Variants in ADAMTS20 observed in about 807,000 individuals in gnomAD.
ADAMTS20 encodes the protein A disintegrin and metalloproteinase with thrombospondin motifs 20.
In ADAMTS20, 225 loss-of-function variants were observed where a neutral mutation model predicts 260.1. The observed-to-expected ratio is 0.87, with a 90% CI of 0.78 to 0.97. The LOEUF is 0.97. Among genes scored for constraint, ADAMTS20 ranks in the 50% least tolerant of loss-of-function variants. ADAMTS20 has a pLI of 0.00. For missense variants in ADAMTS20, 2,400 were observed against 2,337.7 expected (o/e 1.03, Z -0.55); for synonymous variants, 802 against 769.5 (o/e 1.04, Z -0.70).
chr12:43,471,294 G>A (rs936346782), intron 7 of ADAMTS20, among the ~76,000 whole-genome samples: 92 of 152,042 alleles, frequency 6.1e-4, no homozygotes, highest in African/African-American at 2.1e-3. Flanking sequence ...AAAACACGGC[G>A]CACCACGGGA....
At chr12:43,523,145 G>A (rs1943094746) in intron 3 of ADAMTS20, among the ~76,000 whole-genome samples, 1 of 152,142 alleles carries the variant, frequency 6.6e-6, no homozygotes, top group Non-Finnish European at 1.5e-5. Flanking sequence ...AAGGGGGAGA[G>A]ACTGCCTCCA....
intron 11 of ADAMTS20, 72 bp downstream of exon 11, chr12:43,462,823 G>A: frequency 8.1e-7 from 1 of 1,233,876 alleles, no homozygotes; most frequent in South Asian, 1.4e-5. Flanking sequence ...AACAAACAGA[G>A]TGCTAAAATG....
chr12:43,368,984 G>C (rs979732276), intron 37 of ADAMTS20, among the ~76,000 whole-genome samples: 1 of 152,080 alleles, frequency 6.6e-6, no homozygotes, highest in Non-Finnish European at 1.5e-5. Context: ...CCGTTCCTTT[G>C]CCTTTTGACA....
chr12:43,544,655 G>C (rs1424226432), intron 2 of ADAMTS20, among the ~76,000 whole-genome samples: 1 of 152,160 alleles, frequency 6.6e-6, no homozygotes, highest in Non-Finnish European at 1.5e-5. Flanking sequence ...ATTCTATACA[G>C]AGAGAAGAGC....
At chr12:43,482,254 C>T (rs1384758377) in intron 7 of ADAMTS20, among the ~76,000 whole-genome samples, 1 of 152,230 alleles carries the variant, frequency 6.6e-6, no homozygotes, top group African/African-American at 2.4e-5. Context: ...GAACGAACCT[C>T]GTTGGCCAGA....
At chr12:43,372,761 A>G (rs573497360) in intron 36 of ADAMTS20, among the ~76,000 whole-genome samples, 1 of 152,210 alleles carries the variant, frequency 6.6e-6, no homozygotes, top group African/African-American at 2.4e-5. Flanking sequence ...GGATGGGAGC[A>G]TGAAGAGTTC....
intron 10 of ADAMTS20, among the ~76,000 whole-genome samples, chr12:43,463,687 T>C (rs527333033): frequency 3.7e-4 from 56 of 152,328 alleles, no homozygotes; most frequent in African/African-American, 1.3e-3. Flanking sequence ...TTAGGAAGAA[T>C]AGTCGCTATA....
chr12:43,435,423 G>A (rs183020178), intron 18 of ADAMTS20, among the ~76,000 whole-genome samples: 5,598 of 151,932 alleles, frequency 0.037, 178 homozygotes, highest in African/African-American at 0.08. Flanking sequence ...GGCGGATCAC[G>A]AGGTCAGGAG....
chr12:43,550,899 G>A lies in ADAMTS20; in HGVS notation c.453+10C>T. 6.5e-7 allele frequency: 1 copy of A among 1,529,502 alleles called. No individual in the cohort carries two copies. The highest frequency in any genetic ancestry group is 1.4e-5 in the African/African-American group (1 of 72,408). The allele number at this position is 1,529,502 out of a possible 1,614,324, so 94.7% of individuals were successfully genotyped here. ...CCCAAGAAAATGCCAAGGGACCCGAGGACACTCACCAGGCCTCCGCATAAG... is the reference window on the plus strand; with the variant it reads ...CCCAAGAAAATGCCAAGGGACCCGAAGACACTCACCAGGCCTCCGCATAAG... On this transcript the variant is annotated intron_variant, in intron 2 of 38. Transcript: ENST00000389420.
chr12:43,423,836 T>A, intron 28 of ADAMTS20: 1 of 713,088 alleles, frequency 1.4e-6, no homozygotes, highest in Non-Finnish European at 2.6e-6. Context: ...TAAATACATA[T>A]GTGAGTGCTT....
chr12:43,495,535 G>A (rs1037126484), intron 4 of ADAMTS20, among the ~76,000 whole-genome samples: 2 of 152,282 alleles, frequency 1.3e-5, no homozygotes, highest in South Asian at 4.1e-4. Flanking sequence ...TATACATAAT[G>A]CTAGTTCTAG....
At chr12:43,412,626 T>C (rs1941052889) in intron 28 of ADAMTS20, among the ~76,000 whole-genome samples, 1 of 152,052 alleles carries the variant, frequency 6.6e-6, no homozygotes, top group Non-Finnish European at 1.5e-5. Flanking sequence ...AGGATCCCAT[T>C]TGAGCCACTA....
intron 4 of ADAMTS20, among the ~76,000 whole-genome samples, chr12:43,499,637 T>C (rs1942727656): frequency 6.6e-6 from 1 of 152,012 alleles, no homozygotes; most frequent in Non-Finnish European, 1.5e-5. Context: ...CCCGAGTAGC[T>C]GGGATTATAG....
At chr12:43,407,201 T>A (rs538867054) in intron 28 of ADAMTS20, among the ~76,000 whole-genome samples, 30 of 152,066 alleles carry the variant, frequency 2.0e-4, no homozygotes, top group Non-Finnish European at 3.5e-4. Context: ...AATTTGTAGC[T>A]CCAGACATTT....
At chr12:43,388,351 T>C (rs1261500113) in intron 29 of ADAMTS20, among the ~76,000 whole-genome samples, 2 of 152,158 alleles carry the variant, frequency 1.3e-5, no homozygotes, top group East Asian at 3.9e-4. Flanking sequence ...TCACCCTCCG[T>C]GGGCTGTACC....
chr12:43,424,970 C>A (rs1941303049), intron 28 of ADAMTS20, among the ~76,000 whole-genome samples: 1 of 151,894 alleles, frequency 6.6e-6, no homozygotes, highest in Non-Finnish European at 1.5e-5. Context: ...GTATGCATCC[C>A]ACAATTTATA....
chr12:43,482,405 G>T (rs921889393), intron 7 of ADAMTS20, among the ~76,000 whole-genome samples: 1 of 152,224 alleles, frequency 6.6e-6, no homozygotes, highest in Non-Finnish European at 1.5e-5. Flanking sequence ...GAAGTTTCGA[G>T]TTCTGAAACA....
At chr12:43,507,358 T>G (rs931824908) in intron 3 of ADAMTS20, among the ~76,000 whole-genome samples, 1 of 152,202 alleles carries the variant, frequency 6.6e-6, no homozygotes, top group Non-Finnish European at 1.5e-5. Context: ...TGCTAGCTGA[T>G]GTAGCAGCAC....
chr12:43,511,133 T>C (rs1049854605), intron 3 of ADAMTS20, among the ~76,000 whole-genome samples: 1 of 152,104 alleles, frequency 6.6e-6, no homozygotes, highest in Admixed American at 6.6e-5. Flanking sequence ...GCAGAGTCCT[T>C]GCCTCCAAAC....
Sources: allele counts gnomAD v4.1 joint callset (sites outside exome capture counted in the v4.1 genomes callset), GRCh38; gene constraint gnomAD v4.1.1; transcripts MANE v1.5; gene names NCBI Gene and HGNC (gene_info 2026-07-23, HGNC 2026-07-21).